NGFR: variants seen among roughly 807,000 people sequenced by gnomAD.
NGFR encodes the protein tumor necrosis factor receptor superfamily member 16.
A neutral mutation model predicts 43.2 loss-of-function variants in NGFR; 30 were observed. That is an observed-to-expected ratio of 0.69 (90% CI 0.52 to 0.94). The LOEUF (loss-of-function observed/expected upper bound fraction) is 0.94. Among genes scored for constraint, NGFR ranks in the 40% least tolerant of loss-of-function variants. The probability of loss-of-function intolerance (pLI) is 0.00; values close to 1 mark genes in which losing one functional copy is unlikely to be tolerated. For synonymous variants in NGFR, 246 were observed against 259.6 expected (o/e 0.95, Z 0.50); for missense variants, 529 against 602.5 (o/e 0.88, Z 1.28).
At position 49,506,342 on chromosome 17, in the gene NGFR, G is replaced by A; in HGVS notation, c.252G>A (p.Lys84=). The change falls in exon 3 of 6, where the codon AAG becomes AAA. Residue 84 remains lysine, a synonymous_variant. Coordinates refer to ENST00000172229, the MANE Select transcript of NGFR (RefSeq NM_002507.4). ...TGGTGAGCGCGACCGAGCCGTGCAA[G>A]CCGTGCACCGAGTGCGTGGGGCTCC... The part of the protein sequence containing the change: ...SDVVSATEPC[K]PCTECVGLQS... The A allele has an allele frequency of 6.3e-7, 1 of 1,589,174 alleles. No individual in the cohort carries two copies.
In NGFR at chr17:49,512,392, A is replaced by G. The variant is rs2071239253; in HGVS notation, c.983-316A>G. ...AAGTGTGTACCCTAATTAGTGGCCC[A>G]TAGCCCAGCTCCGGGACACTTGCTG... On this transcript the variant is annotated intron_variant, in intron 5 of 5. Coordinates refer to ENST00000172229, the MANE Select transcript of NGFR (RefSeq NM_002507.4). The surrounding 1 kb of genome is among the most constrained non-coding windows in gnomAD (Gnocchi z 5.2). Among the ~76,000 whole-genome samples the G allele has an allele frequency of 6.6e-6, 1 of 152,212 alleles. No homozygotes were observed. The highest frequency in any genetic ancestry group is 2.4e-5 in the African/African-American group (1 of 41,446).
At chr17:49,509,307 C>G (rs2071217673) in intron 3 of NGFR, among the ~76,000 whole-genome samples, 1 of 152,192 alleles carries the variant, frequency 6.6e-6, no homozygotes. Context: ...GAGGGCAGAG[C>G]TGGGAGCCAG....
intron 3 of NGFR, among the ~76,000 whole-genome samples, chr17:49,507,269 G>A (rs143828033): frequency 7.9e-4 from 120 of 152,310 alleles, no homozygotes; most frequent in African/African-American, 2.8e-3. Context: ...GGGTTGTTGC[G>A]GGTTAGGGAA....
intron 4 of NGFR, 81 bp downstream of exon 4, chr17:49,510,745 A>G: frequency 6.5e-7 from 1 of 1,548,896 alleles, no homozygotes; most frequent in Non-Finnish European, 8.8e-7. Flanking sequence ...ACCTGAAAAC[A>G]TACACACCCT....
chr17:49,505,834 A>G, intron 2 of NGFR: 1 of 160,138 alleles, frequency 6.2e-6, no homozygotes, highest in Non-Finnish European at 1.4e-5. Context: ...CTGTGTGGAG[A>G]GGAACTGAAG....
At chr17:49,508,901 T>C (rs1311483557) in intron 3 of NGFR, among the ~76,000 whole-genome samples, 1 of 152,158 alleles carries the variant, frequency 6.6e-6, no homozygotes, top group African/African-American at 2.4e-5. Flanking sequence ...CACCCGGACA[T>C]GTACACTCCT....
chr17:49,506,704 G>GGGGGGGGGCGGGGGGC, intron 3 of NGFR, 46 bp downstream of exon 3: 1 of 737,234 alleles, frequency 1.4e-6, no homozygotes, highest in Non-Finnish European at 2.0e-6. Flanking sequence ...GCGGGGGTGG[G>GGGGGGGGGCGGGGGGC]CTGGGGGCAT....
rs1285745628 is a variant in NGFR at position 49,512,726 on chromosome 17, G to A, written c.1001G>A (p.Gly334Asp). 2 of 1,606,306 alleles carry A rather than the reference G, an allele frequency of 1.2e-6. No individual in the cohort carries two copies. The highest frequency in any genetic ancestry group is 2.2e-5 in the East Asian group (1 of 44,808). Residue 334 changes from glycine (G) to aspartate (D), a missense_variant, in exon 6 of 6, where the codon GGC becomes GAC. Gly to Asp is a moderately conservative substitution (Grantham distance 94). Coordinates refer to ENST00000172229, the MANE Select transcript of NGFR (RefSeq NM_002507.4). This position sits in a 1 kb window ranked among gnomAD's most constrained non-coding sequence, Gnocchi z 5.2. ...TCTGCAGCCCTCAAGGGTGACGGAGGCCTCTACAGCAGCCTGCCCCCAGCC... is the reference window on the plus strand; with the variant it reads ...TCTGCAGCCCTCAAGGGTGACGGAGACCTCTACAGCAGCCTGCCCCCAGCC... ...ASGQALKGDGGLYSSLPPAKR... is the reference protein window; with the variant it reads ...ASGQALKGDGDLYSSLPPAKR...
intron 1 of NGFR, chr17:49,496,586 C>A (rs2071139351): frequency 6.6e-6 from 1 of 152,220 alleles, no homozygotes; most frequent in Non-Finnish European, 1.5e-5. Context: ...GGGGGCGCTG[C>A]GGGGCGAGGC....
Position 49,514,490 on chromosome 17 carries a change from C to G in NGFR, c.*1481C>G, listed in dbSNP as rs1801300. ...GAGGCCTCAGTGGACTTTCCACCCCCTCCCTGGCCTGTTCTGTTTTGCCTG... is the reference window on the plus strand; with the variant it reads ...GAGGCCTCAGTGGACTTTCCACCCCGTCCCTGGCCTGTTCTGTTTTGCCTG... On this transcript the variant is annotated 3_prime_UTR_variant, in exon 6 of 6. Coordinates refer to ENST00000172229, the MANE Select transcript of NGFR (RefSeq NM_002507.4). The G allele has an allele frequency of 9.2e-5, 14 of 152,336 alleles. No individual in the cohort carries two copies. The highest frequency in any genetic ancestry group is 2.9e-4 in the African/African-American group (12 of 41,464). The allele number at this position is 152,336 out of a possible 1,614,324, so 9.4% of individuals were successfully genotyped here. A position where few individuals can be genotyped will look rare whatever the true frequency, so the allele number is the denominator to read the frequency against.
intron 2 of NGFR, among the ~76,000 whole-genome samples, chr17:49,505,007 A>C (rs770746267): frequency 2.6e-5 from 4 of 151,840 alleles, no homozygotes; most frequent in Non-Finnish European, 5.9e-5. Flanking sequence ...CCTGGCCTCA[A>C]GTGATCTGCT....
Position 49,506,516 on chromosome 17 carries a change from G to A in NGFR, c.426G>A (p.Gln142=). 6.2e-7 allele frequency: 1 copy of A among 1,611,850 alleles called. No homozygotes were observed. Among genetic ancestry groups the A allele is most frequent in the Non-Finnish European group, 8.5e-7 (1 of 1,179,602 alleles). ...SGLVFSCQDK[Q]NTVCEECPDG... is the part of the protein sequence containing the mutation. ...TCGTGTTCTCCTGCCAGGACAAGCA[G>A]AACACCGTGTGCGAGGAGTGCCCCG... is the stretch of plus-strand genomic sequence containing the variant. Residue 142 remains glutamine (Q), a synonymous_variant, in exon 3 of 6, where the codon CAG becomes CAA. Transcript: ENST00000172229.
intron 4 of NGFR, 103 bp downstream of exon 4, chr17:49,510,767 C>T (rs1184102943): frequency 6.9e-7 from 1 of 1,451,204 alleles, no homozygotes; most frequent in South Asian, 1.3e-5. Context: ...TTAACTCAAC[C>T]CCAAACCAAG....
Position 49,513,273 on chromosome 17 carries a change from C to G in NGFR, c.*264C>G, listed in dbSNP as rs529154343. ...AACCCTGCCCCTGCCCCGTCACCAT[C>G]TCAGGCCACCTGCCCCCTTCTCCCA... On this transcript the variant is annotated 3_prime_UTR_variant, in exon 6 of 6. Transcript: ENST00000172229. The G allele has an allele frequency of 1.1e-3, 529 of 486,336 alleles. 1 individual carries two copies. Among genetic ancestry groups the G allele is most frequent in the Non-Finnish European group, 1.7e-3 (469 of 275,658 alleles). 30.1% of individuals were successfully genotyped at this position (486,336 alleles called of 1,614,324 possible). A position where few individuals can be genotyped will look rare whatever the true frequency, so the allele number is the denominator to read the frequency against.
chr17:49,508,056 G>C (rs2071210186), intron 3 of NGFR, among the ~76,000 whole-genome samples: 1 of 152,240 alleles, frequency 6.6e-6, no homozygotes, highest in South Asian at 2.1e-4. Flanking sequence ...GCTGGGCTAA[G>C]GCCAGGTTGA....
intron 1 of NGFR, 63 bp from the exon 2 acceptor site, chr17:49,502,000 A>AACCCCCC: frequency 1.1e-5 from 3 of 264,886 alleles, no homozygotes; most frequent in South Asian, 9.2e-5. Flanking sequence ...CCCCGGAAGA[A>AACCCCCC]CCCCCCCCAA....
At position 49,506,297 on chromosome 17, in the gene NGFR, A is replaced by G; in HGVS notation, c.209-2A>G. 1 of 1,548,948 alleles carries G rather than the reference A, an allele frequency of 6.5e-7. No individual in the cohort carries two copies. Among genetic ancestry groups the G allele is most frequent in the Non-Finnish European group, 8.7e-7 (1 of 1,149,280 alleles). On this transcript the variant is annotated splice_acceptor_variant, in intron 2 of 5. Transcript: ENST00000172229. LOFTEE classifies it high-confidence loss of function. ...ACTAAATCTGGTGTCCGCTGCGCTC[A>G]GGCGTGACGTTCTCCGACGTGGTGA...
chr17:49,510,801 G>A lies in NGFR; in HGVS notation c.821+137G>A, dbSNP rs748576559. 1.9e-4 allele frequency: 218 copies of A among 1,120,678 alleles called. 1 individual carries two copies. The highest frequency in any genetic ancestry group is 2.5e-4 in the Non-Finnish European group (196 of 777,668). The allele number at this position is 1,120,678 out of a possible 1,614,324, so 69.4% of individuals were successfully genotyped here. On this transcript the variant is annotated intron_variant, in intron 4 of 5. Coordinates refer to ENST00000172229, the MANE Select transcript of NGFR (RefSeq NM_002507.4). ...AGCTCATCCTCACTCATCATCTGCC[G>A]CCCCACTCCAGGGTGCAGCAGGTCA...
At chr17:49,501,848 C>A (rs998263467) in intron 1 of NGFR, among the ~76,000 whole-genome samples, 2 of 152,246 alleles carry the variant, frequency 1.3e-5, no homozygotes, top group Non-Finnish European at 2.9e-5. Context: ...GCTCTGACCT[C>A]ACACCCCCAG....
Sources: gnomAD v4.1 joint callset for allele counts (sites outside exome capture counted in the v4.1 genomes callset) on GRCh38, gnomAD v4.1.1 for gene constraint, Gnocchi (gnomAD v3.1) non-coding constraint, MANE v1.5 for transcripts, NCBI Gene and HGNC (gene_info 2026-07-23, HGNC 2026-07-21) for gene names.